The following NPBWR1 variants were observed in gnomAD, a reference collection of about 807,000 sequenced individuals.
NPBWR1 encodes the protein neuropeptides B/W receptor type 1.
A neutral mutation model predicts 2.8 loss-of-function variants in NPBWR1; 4 were observed. That is an observed-to-expected ratio of 1.44 (90% confidence interval 0.71 to 3.29). The LOEUF (loss-of-function observed/expected upper bound fraction) is 3.29. Ranked by LOEUF, NPBWR1 falls within the 30% of genes most tolerant of loss-of-function variation. NPBWR1 has a pLI of 0.01. For synonymous variants in NPBWR1, 250 were observed against 224.5 expected, an observed-to-expected ratio of 1.11 and a Z score of -1.02; for missense variants, 545 against 462.5, an observed-to-expected ratio of 1.18 and a Z score of -1.64.
chr8:52,940,948 G>A lies in NPBWR1; in HGVS notation c.*54G>A, dbSNP rs1454060816. 2 of 1,539,000 alleles carry A rather than the reference G, an allele frequency of 1.3e-6. No homozygotes were observed. Among genetic ancestry groups the A allele is most frequent in the Non-Finnish European group, 1.7e-6 (2 of 1,148,318 alleles). ...CCGCCACTCCTGGCCAGCGAGGGAG[G>A]AGCCGGCGCCAGAGTGCGGGACCAG... On this transcript the variant is annotated 3_prime_UTR_variant, in exon 2 of 2. Transcript: ENST00000674939.
Position 52,940,721 on chromosome 8 carries a change from G to T in NPBWR1, c.814G>T (p.Val272Leu). The change falls in exon 2 of 2, where the codon GTG becomes TTG. Residue 272 changes from valine (V) to leucine (L), a missense_variant. Coordinates refer to ENST00000674939, the MANE Select transcript of NPBWR1 (RefSeq NM_005285.5). ...LCWTPYHLST[V>L]VALTTDLPQT... ...CTGGACGCCCTACCACCTGAGCACC[G>T]TGGTGGCGCTCACCACCGACCTCCC... 12 of 1,613,592 alleles carry T rather than the reference G, an allele frequency of 7.4e-6. No individual in the cohort carries two copies. Among genetic ancestry groups the T allele is most frequent in the Non-Finnish European group, 1.0e-5 (12 of 1,179,974 alleles).
In NPBWR1 at chr8:52,940,920, T is replaced by G; in HGVS notation, c.*26T>G. 1 of 1,542,592 alleles carries G rather than the reference T, an allele frequency of 6.5e-7. No individual in the cohort carries two copies. Among genetic ancestry groups the G allele is most frequent in the Non-Finnish European group, 8.7e-7 (1 of 1,146,116 alleles). ...CTCCCCCAGCGTCCGGCTCCGCAAC[T>G]GCCCGCCACTCCTGGCCAGCGAGGG... On this transcript the variant is annotated 3_prime_UTR_variant, in exon 2 of 2. Coordinates refer to ENST00000674939, the MANE Select transcript of NPBWR1 (RefSeq NM_005285.5).
At position 52,942,262 on chromosome 8, in the gene NPBWR1, T is replaced by C. The variant is rs1802895043; in HGVS notation, c.*1368T>C. The stretch of plus-strand genomic sequence containing the variant: ...AGGTAGTCCCGGTAAACCGGGTAAA[T>C]ACTGGTCCTGGAGTCACCAGGGAGA... On this transcript the variant is annotated 3_prime_UTR_variant, in exon 2 of 2. Coordinates refer to ENST00000674939, the MANE Select transcript of NPBWR1 (RefSeq NM_005285.5). Among the ~76,000 whole-genome samples the C allele has an allele frequency of 1.3e-5, 2 of 152,208 alleles. No homozygotes were observed. The highest frequency in any genetic ancestry group is 1.3e-4 in the Admixed American group (2 of 15,276).
rs192440047 is a variant in NPBWR1 at position 52,942,924 on chromosome 8, G to A, written c.*2030G>A. The stretch of plus-strand genomic sequence containing the variant: ...CTTGGAATTCATTTTAATATCTTTC[G>A]AATTTCTAGGAAACATTCTATTGAT... On this transcript the variant is annotated 3_prime_UTR_variant, in exon 2 of 2. Coordinates refer to ENST00000674939, the MANE Select transcript of NPBWR1 (RefSeq NM_005285.5). Among the ~76,000 whole-genome samples, 13 of 152,188 alleles carry A rather than the reference G, an allele frequency of 8.5e-5. No homozygotes were observed. Among genetic ancestry groups the A allele is most frequent in the Admixed American group, 7.8e-4 (12 of 15,292 alleles).
chr8:52,940,570 C>A lies in NPBWR1; in HGVS notation c.663C>A (p.Val221=). The change falls in exon 2 of 2, where the codon GTC becomes GTA. Residue 221 remains valine, a synonymous_variant. Transcript: ENST00000674939. ...CCATCCCCGTGTCCACCATCTGTGTCCTCTATACCACCCTGCTGTGCCGGC... is the reference window on the plus strand; with the variant it reads ...CCATCCCCGTGTCCACCATCTGTGTACTCTATACCACCCTGCTGTGCCGGC... ...GFAIPVSTIC[V]LYTTLLCRLH... is the part of the protein sequence containing the mutation. 6.2e-7 allele frequency: 1 copy of A among 1,600,386 alleles called. No individual in the cohort carries two copies. The highest frequency in any genetic ancestry group is 8.5e-7 in the Non-Finnish European group (1 of 1,175,588).
chr8:52,939,752 G>T lies in NPBWR1; in HGVS notation c.-156G>T, dbSNP rs1489486973. On this transcript the variant is annotated 5_prime_UTR_variant, in exon 2 of 2. Coordinates refer to ENST00000674939, the MANE Select transcript of NPBWR1 (RefSeq NM_005285.5). ...CGACATTGGGCCGTGGGGTGGCTGG[G>T]AACGGTCCCCTCCTCCGGAAAAACC... 2.5e-6 allele frequency: 2 copies of T among 815,344 alleles called. No individual in the cohort carries two copies. Among genetic ancestry groups the T allele is most frequent in the African/African-American group, 3.5e-5 (2 of 57,198 alleles). 50.5% of individuals were successfully genotyped at this position (815,344 alleles called of 1,614,324 possible).
rs939933182 is a variant in NPBWR1 at position 52,940,460 on chromosome 8, C to G, written c.553C>G (p.Arg185Gly). Residue 185 changes from arginine to glycine, a missense_variant, in exon 2 of 2, where the codon CGG becomes GGG. Coordinates refer to ENST00000674939, the MANE Select transcript of NPBWR1 (RefSeq NM_005285.5). ...VFARLDDEQG[R>G]RQCVLVFPQP... ...CGCCCGGCTAGACGACGAGCAGGGC[C>G]GGCGCCAGTGCGTGCTAGTCTTTCC... is the stretch of plus-strand genomic sequence containing the variant. 2.5e-6 allele frequency: 4 copies of G among 1,587,618 alleles called. No homozygotes were observed. Among genetic ancestry groups the G allele is most frequent in the Admixed American group, 1.7e-5 (1 of 57,552 alleles).
rs1345468294 is a variant in NPBWR1 at position 52,943,521 on chromosome 8, T to G, written c.*2627T>G. On this transcript the variant is annotated 3_prime_UTR_variant, in exon 2 of 2. Transcript: ENST00000674939. ...ATTCACATCATTGTATTGCAAAGGT[T>G]TTAACACTGTGTTGAATTCTTGCAG... 6.6e-6 allele frequency among the ~76,000 whole-genome samples: 1 copy of G among 152,238 alleles called. No homozygotes were observed. Among genetic ancestry groups the G allele is most frequent in the Non-Finnish European group, 1.5e-5 (1 of 68,038 alleles).
chr8:52,941,705 C>T lies in NPBWR1; in HGVS notation c.*811C>T, dbSNP rs1802873045. ...TTCTTTGCCTTTTCCCTTTCCTATC[C>T]GTGATCTCCCCTGAAAATGTCAGAC... On this transcript the variant is annotated 3_prime_UTR_variant, in exon 2 of 2. Coordinates refer to ENST00000674939, the MANE Select transcript of NPBWR1 (RefSeq NM_005285.5). Among the ~76,000 whole-genome samples, 1 of 152,184 alleles carries T rather than the reference C, an allele frequency of 6.6e-6. No homozygotes were observed. Among genetic ancestry groups the T allele is most frequent in the African/African-American group, 2.4e-5 (1 of 41,446 alleles).
Position 52,940,067 on chromosome 8 carries a change from G to C in NPBWR1, c.160G>C (p.Gly54Arg), listed in dbSNP as rs765999685. 5 of 1,609,964 alleles carry C rather than the reference G, an allele frequency of 3.1e-6. No individual in the cohort carries two copies. The highest frequency in any genetic ancestry group is 3.4e-6 in the Non-Finnish European group (4 of 1,179,928). Reference protein sequence around the residue: ...YAVICAVGLAGNSAVLYVLLR... With the variant: ...YAVICAVGLARNSAVLYVLLR... The stretch of plus-strand genomic sequence containing the variant: ...GGTGATCTGCGCCGTGGGTCTGGCG[G>C]GCAACTCCGCCGTGCTGTACGTGTT... Residue 54 changes from glycine (G) to arginine (R), a missense_variant, in exon 2 of 2, where the codon GGC (glycine) becomes CGC (arginine). Gly to Arg is a moderately radical substitution (Grantham distance 125). Coordinates refer to ENST00000674939, the MANE Select transcript of NPBWR1 (RefSeq NM_005285.5).
rs1012991194 is a variant in NPBWR1 at position 52,941,886 on chromosome 8, G to C, written c.*992G>C. On this transcript the variant is annotated 3_prime_UTR_variant, in exon 2 of 2. Transcript: ENST00000674939. ...ACAGCGCTGTGGCACACTGGTCATCGTTGCTTATAGAGGATGCCAAGCCCC... is the reference window on the plus strand; with the variant it reads ...ACAGCGCTGTGGCACACTGGTCATCCTTGCTTATAGAGGATGCCAAGCCCC... Among the ~76,000 whole-genome samples, 27 of 152,184 alleles carry C rather than the reference G, an allele frequency of 1.8e-4. No individual in the cohort carries two copies. Among genetic ancestry groups the C allele is most frequent in the African/African-American group, 6.5e-4 (27 of 41,452 alleles).
Position 52,940,464 on chromosome 8 carries a change from G to A in NPBWR1, c.557G>A (p.Arg186His), listed in dbSNP as rs1448053086. 2 of 1,586,606 alleles carry A rather than the reference G, an allele frequency of 1.3e-6. No individual in the cohort carries two copies. The highest frequency in any genetic ancestry group is 8.5e-7 in the Non-Finnish European group (1 of 1,171,938). ...FARLDDEQGR[R>H]QCVLVFPQPE... ...CGGCTAGACGACGAGCAGGGCCGGC[G>A]CCAGTGCGTGCTAGTCTTTCCGCAG... Residue 186 changes from arginine (R) to histidine (H), a missense_variant, in exon 2 of 2, where the codon CGC (arginine) becomes CAC (histidine). Transcript: ENST00000674939.
Position 52,940,641 on chromosome 8 carries a change from C to A in NPBWR1, c.734C>A (p.Ala245Asp). The A allele has an allele frequency of 6.2e-7, 1 of 1,610,238 alleles. No individual in the cohort carries two copies. ...AGCCACGCCAAGGCCCTGGAGCGCG[C>A]CAAGAAGCGGGTGACCTTCCTGGTG... ...LDSHAKALER[A>D]KKRVTFLVVA... Residue 245 changes from alanine to aspartate, a missense_variant, in exon 2 of 2, where the codon GCC (alanine) becomes GAC (aspartate). Transcript: ENST00000674939.
In NPBWR1 at chr8:52,940,397, G is replaced by C. The variant is rs769712422; in HGVS notation, c.490G>C (p.Gly164Arg). The C allele has an allele frequency of 6.2e-7, 1 of 1,602,466 alleles. No homozygotes were observed. The highest frequency in any genetic ancestry group is 8.5e-7 in the Non-Finnish European group (1 of 1,178,764). Reference protein sequence around the residue: ...AARAVSLAVWGIVTLVVLPFA... With the variant: ...AARAVSLAVWRIVTLVVLPFA... ...GCGCGCGGTGAGCCTGGCCGTGTGG[G>C]GGATCGTCACACTCGTCGTGCTGCC... is the stretch of plus-strand genomic sequence containing the variant. Residue 164 changes from glycine (G) to arginine (R), a missense_variant, in exon 2 of 2, where the codon GGG becomes CGG. By Grantham distance (125) the Gly-to-Arg change is moderately radical. Transcript: ENST00000674939.
rs1253763366 is a variant in NPBWR1 at position 52,942,959 on chromosome 8, ACT to A, written c.*2069_*2070del. ...GAAACATTCTATTGATTTTCCTTAA[ACT>A]CTCAAAATTATCTCATGAATCCTCT... On this transcript the variant is annotated 3_prime_UTR_variant, in exon 2 of 2. Transcript: ENST00000674939. 6.6e-6 allele frequency among the ~76,000 whole-genome samples: 1 copy of A among 152,190 alleles called. No homozygotes were observed. The highest frequency in any genetic ancestry group is 2.4e-5 in the African/African-American group (1 of 41,436).
Position 52,940,025 on chromosome 8 carries a change from G to A in NPBWR1, c.118G>A (p.Val40Ile). The change falls in exon 2 of 2, where the codon GTA becomes ATA. Residue 40 changes from valine (V) to isoleucine (I), a missense_variant. Transcript: ENST00000674939. ...GCTGCCGGCGCCGCTGGCGGTGGCTGTACCAGTTGTCTACGCGGTGATCTG... is the reference window on the plus strand; with the variant it reads ...GCTGCCGGCGCCGCTGGCGGTGGCTATACCAGTTGTCTACGCGGTGATCTG... ...APLPAPLAVA[V>I]PVVYAVICAV... 5 of 1,606,088 alleles carry A rather than the reference G, an allele frequency of 3.1e-6. No homozygotes were observed. Among genetic ancestry groups the A allele is most frequent in the East Asian group, 2.2e-5 (1 of 44,838 alleles).
At position 52,940,525 on chromosome 8, in the gene NPBWR1, C is replaced by T; in HGVS notation, c.618C>T (p.Tyr206=). The T allele has an allele frequency of 6.3e-7, 1 of 1,593,862 alleles. No individual in the cohort carries two copies. The highest frequency in any genetic ancestry group is 8.5e-7 in the Non-Finnish European group (1 of 1,173,658). ...TCTGGTGGCGCGCGAGCCGCCTCTA[C>T]ACGCTCGTGCTGGGCTTCGCCATCC... The part of the protein sequence containing the change: ...EAFWWRASRL[Y]TLVLGFAIPV... The change falls in exon 2 of 2, where the codon TAC becomes TAT. Residue 206 remains tyrosine (Y), a synonymous_variant. Transcript: ENST00000674939.
rs754137234 is a variant in NPBWR1, at chr8:52,940,928, ACT to A, written c.*36_*37del. On this transcript the variant is annotated 3_prime_UTR_variant, in exon 2 of 2. Transcript: ENST00000674939. ...GCGTCCGGCTCCGCAACTGCCCGCCACTCCTGGCCAGCGAGGGAGGAGCCGGC... is the reference window on the plus strand; with the variant it reads ...GCGTCCGGCTCCGCAACTGCCCGCCACCTGGCCAGCGAGGGAGGAGCCGGC... The A allele has an allele frequency of 3.2e-6, 5 of 1,556,310 alleles. No individual in the cohort carries two copies. The African/African-American group carries it at 5.5e-5, about 17-fold the overall frequency.
rs1343564273 is a variant in NPBWR1, at chr8:52,940,022, G to T, written c.115G>T (p.Ala39Ser). 1 of 1,605,676 alleles carries T rather than the reference G, an allele frequency of 6.2e-7. No individual in the cohort carries two copies. Residue 39 changes from alanine to serine, a missense_variant, in exon 2 of 2, where the codon GCT becomes TCT. Transcript: ENST00000674939. ...LAPLPAPLAV[A>S]VPVVYAVICA... Reference sequence around the variant, plus strand: ...GCCGCTGCCGGCGCCGCTGGCGGTGGCTGTACCAGTTGTCTACGCGGTGAT... The same window carrying T: ...GCCGCTGCCGGCGCCGCTGGCGGTGTCTGTACCAGTTGTCTACGCGGTGAT...
Sources: gnomAD v4.1 joint callset for allele counts (sites outside exome capture counted in the v4.1 genomes callset) on GRCh38, gnomAD v4.1.1 for gene constraint, MANE v1.5 for transcripts, NCBI Gene and HGNC (gene_info 2026-07-23, HGNC 2026-07-21) for gene names.